BRDT: variants seen among roughly 807,000 people sequenced by gnomAD.
The protein encoded by BRDT is bromodomain testis associated.
A neutral mutation model predicts 113.9 loss-of-function variants in BRDT; 77 were observed. The observed-to-expected ratio is 0.68, with a 90% confidence interval of 0.56 to 0.82. BRDT has a LOEUF of 0.82. Among genes scored for constraint, BRDT ranks in the 40% least tolerant of loss-of-function variants. The probability of loss-of-function intolerance (pLI) is 0.00; values close to 1 mark genes in which losing one functional copy is unlikely to be tolerated. For missense variants in BRDT, 1,027 were observed against 1,105.4 expected, an observed-to-expected ratio of 0.93 and a Z score of 1.01; for synonymous variants, 358 against 366.5, an observed-to-expected ratio of 0.98 and a Z score of 0.26.
intron 7 of BRDT, 29 bp downstream of exon 7, chr1:91,978,325 T>C (rs1684351760): frequency 6.2e-7 from 1 of 1,610,172 alleles, no homozygotes; most frequent in Non-Finnish European, 8.5e-7. Context: ...TCTGAAGGTG[T>C]TTTTCCTCTG....
intron 12 of BRDT, among the ~76,000 whole-genome samples, chr1:91,984,245 T>G (rs557100835): frequency 1.3e-3 from 200 of 152,292 alleles, no homozygotes; most frequent in African/African-American, 4.7e-3. Flanking sequence ...TATTCTAATG[T>G]TCTAAATATC....
chr1:92,002,996 T>C (rs1226640447), intron 16 of BRDT, among the ~76,000 whole-genome samples: 1 of 152,194 alleles, frequency 6.6e-6, no homozygotes, highest in African/African-American at 2.4e-5. Context: ...CTTCTTACCT[T>C]TTCCTTGCAA....
At chr1:91,963,991 C>A (rs1009159167) in intron 2 of BRDT, among the ~76,000 whole-genome samples, 5 of 151,968 alleles carry the variant, frequency 3.3e-5, no homozygotes, top group Non-Finnish European at 1.5e-5. Context: ...TGGGCCTCAC[C>A]CTCCCAAGTA....
chr1:91,951,506 G>GA (rs367625550), intron 1 of BRDT, among the ~76,000 whole-genome samples: 5 of 151,630 alleles, frequency 3.3e-5, no homozygotes, highest in South Asian at 4.2e-4. Context: ...TAAAAAAAAA[G>GA]AAAAAAAAGG....
chr1:91,982,286 T>C (rs1193611127), intron 12 of BRDT, among the ~76,000 whole-genome samples: 1 of 152,230 alleles, frequency 6.6e-6, no homozygotes, highest in African/African-American at 2.4e-5. Flanking sequence ...TTCTTCCATC[T>C]ATAGAAAAAT....
chr1:91,984,586 TTGAC>T (rs1163345351), intron 12 of BRDT, among the ~76,000 whole-genome samples: 4 of 152,012 alleles, frequency 2.6e-5, no homozygotes, highest in African/African-American at 4.8e-5. Context: ...TCAGTAAAAA[TTGAC>T]TGAAAATATG....
chr1:91,981,232 G>A (rs750217510), intron 10 of BRDT, 36 bp from the exon 11 acceptor site: 1 of 1,609,214 alleles, frequency 6.2e-7, no homozygotes, highest in East Asian at 2.2e-5. Context: ...GTTGGTTTTT[G>A]GTTATACTCA....
intron 3 of BRDT, 47 bp from the exon 4 acceptor site, chr1:91,968,099 A>G: frequency 3.1e-6 from 5 of 1,591,104 alleles, no homozygotes; most frequent in Non-Finnish European, 2.6e-6. Context: ...CATTTGGTAC[A>G]GTGACCATAC....
chr1:91,965,676 C>T (rs1184455498), intron 3 of BRDT, among the ~76,000 whole-genome samples: 10 of 151,862 alleles, frequency 6.6e-5, no homozygotes, highest in Admixed American at 2.6e-4. Context: ...GGTGAAACCC[C>T]GCCTCACTAG....
chr1:91,977,318 T>C lies in BRDT; in HGVS notation c.894T>C (p.Pro298=), dbSNP rs1224914478. 7 of 1,613,862 alleles carry C rather than the reference T, an allele frequency of 4.3e-6. No individual in the cohort carries two copies. Among genetic ancestry groups the C allele is most frequent in the Non-Finnish European group, 5.9e-6 (7 of 1,179,986 alleles). The change falls in exon 6 of 19, where the codon CCT becomes CCC. Residue 298 remains proline, a synonymous_variant. Coordinates refer to ENST00000399546, the MANE Select transcript of BRDT (RefSeq NM_207189.4). ...CATATGCATGGCCCTTTTATAATCC[T>C]GTTGACGTTAATGCTTTGGGACTCC... The part of the protein sequence containing the change: ...HFSYAWPFYN[P]VDVNALGLHN...
chr1:91,991,568 C>G (rs945937998), intron 13 of BRDT, among the ~76,000 whole-genome samples: 4 of 152,076 alleles, frequency 2.6e-5, no homozygotes, highest in Admixed American at 2.6e-4. Flanking sequence ...CAAAACTATG[C>G]GTACAGTGAA....
At chr1:91,951,866 C>T (rs571881718) in intron 1 of BRDT, among the ~76,000 whole-genome samples, 1 of 151,446 alleles carries the variant, frequency 6.6e-6, no homozygotes. Context: ...GCCAACATGG[C>T]GAAACCCCAT....
rs1684702151 is a variant in BRDT, at chr1:91,981,288, A to G, written c.1771A>G (p.Lys591Glu). 1 of 1,614,182 alleles carries G rather than the reference A, an allele frequency of 6.2e-7. No individual in the cohort carries two copies. The stretch of plus-strand genomic sequence containing the variant: ...CACAGCTAAGAAAATAATGATGTCC[A>G]AAGAAGAACTTCACTCACAGAAAAA... ...KPPAKKIMMS[K>E]EELHSQKKQE... The change falls in exon 11 of 19, where the codon AAA becomes GAA. Residue 591 changes from lysine (K) to glutamate (E), a missense_variant. Transcript: ENST00000399546.
chr1:91,994,669 A>C lies in BRDT; in HGVS notation c.2287+415A>C, dbSNP rs552012303. Reference sequence around the variant, plus strand: ...ATCACGAGGTCAGGAGATTGAGACCATCCCGGCTAAAAAACGGTGAAACCC... The same window carrying C: ...ATCACGAGGTCAGGAGATTGAGACCCTCCCGGCTAAAAAACGGTGAAACCC... On this transcript the variant is annotated intron_variant, in intron 15 of 18. Coordinates refer to ENST00000399546, the MANE Select transcript of BRDT (RefSeq NM_207189.4). Among the ~76,000 whole-genome samples the C allele has an allele frequency of 8.6e-5, 13 of 151,948 alleles. No individual in the cohort carries two copies. In the East Asian group the frequency reaches 2.3e-3, roughly 27 times the overall value.
rs564957587 is a variant in BRDT, at chr1:91,981,361, C to G, written c.1844C>G (p.Ser615Cys). 5.6e-5 allele frequency: 90 copies of G among 1,613,512 alleles called. 3 individuals are homozygous for G. In the South Asian group the frequency reaches 9.6e-4, roughly 17 times the overall value. Residue 615 changes from serine (S) to cysteine (C), a missense_variant, in exon 11 of 19, where the codon TCT becomes TGT. Physicochemically the swap from Ser to Cys is moderately radical, Grantham distance 112. Transcript: ENST00000399546. ...CTGGATGTTAATAATCAGTTAAATT[C>G]TAGAAAACGTCAAACAAAATGTAGG... ...RLLDVNNQLN[S>C]RKRQTKSDKT...
chr1:91,964,878 CGTGTGTGTGT>C (rs59328937), intron 3 of BRDT, 114 bp downstream of exon 3: 20 of 344,242 alleles, frequency 5.8e-5, no homozygotes, highest in East Asian at 3.1e-4. Context: ...AGATACTTGA[CGTGTGTGTGT>C]GTGTGTGTGT....
intron 15 of BRDT, among the ~76,000 whole-genome samples, chr1:91,996,266 T>G (rs1686322326): frequency 6.6e-6 from 1 of 152,190 alleles, no homozygotes; most frequent in Admixed American, 6.5e-5. Context: ...TTTATTTTTT[T>G]GACACAGAGT....
intron 1 of BRDT, among the ~76,000 whole-genome samples, chr1:91,954,972 A>G (rs1681579342): frequency 1.3e-5 from 2 of 152,066 alleles, no homozygotes. Flanking sequence ...ACAAAACAAA[A>G]AAACAGTGGA....
intron 16 of BRDT, among the ~76,000 whole-genome samples, chr1:92,004,013 T>C (rs750315985): frequency 6.6e-6 from 1 of 152,110 alleles, no homozygotes; most frequent in Non-Finnish European, 1.5e-5. Flanking sequence ...CTCCATGGCA[T>C]TTTTAGGGTA....
Sources: gnomAD v4.1 joint callset for allele counts (sites outside exome capture counted in the v4.1 genomes callset) on GRCh38, gnomAD v4.1.1 for gene constraint, MANE v1.5 for transcripts, NCBI Gene and HGNC (gene_info 2026-07-23, HGNC 2026-07-21) for gene names.